The following HLTF variants were observed in gnomAD, a reference collection of about 807,000 sequenced individuals.
HLTF encodes the protein helicase like transcription factor, also known as DNA-dependent ATPase/E3 ubiquitin-protein ligase HLTF.
In HLTF, 127 loss-of-function variants were observed where a neutral mutation model predicts 129.4. The ratio of observed to expected loss-of-function variants is 0.98; its 90% CI spans 0.85 to 1.14. The LOEUF (loss-of-function observed/expected upper bound fraction) is 1.14. Among genes scored for constraint, HLTF ranks in the 50% most tolerant of loss-of-function variants. HLTF has a pLI of 0.00. For missense variants in HLTF, 1,139 were observed against 1,187.1 expected (o/e 0.96, Z 0.60); for synonymous variants, 332 against 388.8 (o/e 0.85, Z 1.72).
In HLTF at chr3:149,086,456, G is replaced by C. The variant is rs1244241395; in HGVS notation, c.-120C>G. ...AGCCGGGGACAAATTCCGAGCGCCG[G>C]ATCAGGAGCGCACGACTGAAAGGTA... is the stretch of plus-strand genomic sequence containing the variant. On this transcript the variant is annotated 5_prime_UTR_variant, in exon 1 of 25. In the 5' UTR this introduces an upstream ATG that the reference lacks. Transcript: ENST00000310053. 3 of 1,161,160 alleles carry C rather than the reference G, an allele frequency of 2.6e-6. No individual in the cohort carries two copies. Among genetic ancestry groups the C allele is most frequent in the Admixed American group, 4.4e-5 (2 of 45,342 alleles). The allele number at this position is 1,161,160 out of a possible 1,614,324, so 71.9% of individuals were successfully genotyped here.
In HLTF at chr3:149,086,504, C is replaced by T; in HGVS notation, c.-168G>A. Reference sequence around the variant, plus strand: ...GTAAGTCGCCGCGAGTCCAGTCAGACGTCGACGCCGTCTCCTTCTGCAACA... The same window carrying T: ...GTAAGTCGCCGCGAGTCCAGTCAGATGTCGACGCCGTCTCCTTCTGCAACA... On this transcript the variant is annotated 5_prime_UTR_variant, in exon 1 of 25. Coordinates refer to ENST00000310053, the MANE Select transcript of HLTF (RefSeq NM_003071.4). The T allele has an allele frequency of 1.5e-6, 1 of 664,214 alleles. No homozygotes were observed. 41.1% of individuals were successfully genotyped at this position (664,214 alleles called of 1,614,324 possible). A position where few individuals can be genotyped will look rare whatever the true frequency, so the allele number is the denominator to read the frequency against.
intron 14 of HLTF, 90 bp downstream of exon 14, chr3:149,055,213 A>G (rs1717317649): frequency 1.2e-6 from 1 of 815,264 alleles, no homozygotes; most frequent in Non-Finnish European, 2.0e-6. Flanking sequence ...AAGTATATTT[A>G]CCCCAATGAA....
chr3:149,047,131 TATA>T (rs1716611575), intron 17 of HLTF, among the ~76,000 whole-genome samples: 1 of 152,236 alleles, frequency 6.6e-6, no homozygotes, highest in South Asian at 2.1e-4. Flanking sequence ...CTACCACCTT[TATA>T]ATGATTTTAT....
chr3:149,071,386 G>A lies in HLTF; in HGVS notation c.760C>T (p.Arg254Trp), dbSNP rs547894937. 1.5e-5 allele frequency: 24 copies of A among 1,613,672 alleles called. No individual in the cohort carries two copies. The Middle Eastern group carries it at 6.6e-4, about 44-fold the overall frequency. Reference protein sequence around the residue: ...QKQALAWMVSRENSKELPPFW... With the variant: ...QKQALAWMVSWENSKELPPFW... Reference sequence around the variant, plus strand: ...GGTGGAAGTTCTTTGCTATTTTCCCGTGACACCATCCAAGCTAGAGCTTGT... The same window carrying A: ...GGTGGAAGTTCTTTGCTATTTTCCCATGACACCATCCAAGCTAGAGCTTGT... The change falls in exon 7 of 25, where the codon CGG (arginine) becomes TGG (tryptophan). Residue 254 changes from arginine to tryptophan, a missense_variant. Transcript: ENST00000310053.
At chr3:149,045,726 A>G (rs977715975) in intron 18 of HLTF, among the ~76,000 whole-genome samples, 3 of 152,166 alleles carry the variant, frequency 2.0e-5, no homozygotes, top group Non-Finnish European at 2.9e-5. Context: ...CCAGAATTTC[A>G]TACCTTCTAC....
chr3:149,051,373 A>C (rs933333973), intron 14 of HLTF, among the ~76,000 whole-genome samples: 3 of 152,178 alleles, frequency 2.0e-5, no homozygotes, highest in Non-Finnish European at 4.4e-5. Context: ...TTACCTATAG[A>C]TAGAAGTGAG....
chr3:149,045,961 A>T (rs544609277), intron 18 of HLTF, 119 bp downstream of exon 18: 1 of 668,114 alleles, frequency 1.5e-6, no homozygotes, highest in Admixed American at 3.7e-5. Flanking sequence ...AATTCATAGA[A>T]GCAAATTATC....
chr3:149,073,505 G>A (rs1325721104), intron 4 of HLTF, among the ~76,000 whole-genome samples, 183 bp from the exon 5 acceptor site: 1 of 152,152 alleles, frequency 6.6e-6, no homozygotes, highest in Admixed American at 6.5e-5. Flanking sequence ...ACTAGCCTGG[G>A]CAACATGGTG....
rs746011923 is a variant in HLTF at position 149,071,218 on chromosome 3, T to C, written c.894+34A>G. 3 of 1,316,694 alleles carry C rather than the reference T, an allele frequency of 2.3e-6. No homozygotes were observed. In the East Asian group the frequency reaches 7.1e-5, roughly 31 times the overall value. The allele number at this position is 1,316,694 out of a possible 1,614,324, so 81.6% of individuals were successfully genotyped here. A position where few individuals can be genotyped will look rare whatever the true frequency, so the allele number is the denominator to read the frequency against. ...TTTCTAGAAAATCATAATCACAAAA[T>C]TAGATTTTATTAACTAAAGAAAAAA... On this transcript the variant is annotated intron_variant, in intron 7 of 24. Coordinates refer to ENST00000310053, the MANE Select transcript of HLTF (RefSeq NM_003071.4).
intron 14 of HLTF, chr3:149,052,280 T>TA (rs773689393): frequency 1.3e-5 from 2 of 152,172 alleles, no homozygotes; most frequent in Non-Finnish European, 2.9e-5. Context: ...ATACTCTTTT[T>TA]AAAAAATTAT....
At chr3:149,053,447 C>T (rs75990373) in intron 14 of HLTF, among the ~76,000 whole-genome samples, 3,610 of 152,264 alleles carry the variant, frequency 0.024, 97 homozygotes, top group African/African-American at 0.065. Context: ...GCTGGGTCCC[C>T]ATCACCTTCT....
At chr3:149,060,607 T>G (rs986602110) in intron 12 of HLTF, 36 bp downstream of exon 12, 27 of 1,478,684 alleles carry the variant, frequency 1.8e-5, no homozygotes, top group Non-Finnish European at 2.4e-5. Context: ...TTAATAATCT[T>G]GAAGTCTAGA....
At chr3:149,059,658 A>T (rs973524372) in intron 13 of HLTF, 60 bp downstream of exon 13, 2 of 1,016,928 alleles carry the variant, frequency 2.0e-6, no homozygotes, top group East Asian at 2.4e-5. Flanking sequence ...AAAATTTTAA[A>T]TTTTTTCATT....
Position 149,074,320 on chromosome 3 carries a change from A to G in HLTF, c.424T>C (p.Phe142Leu). 1 of 1,613,190 alleles carries G rather than the reference A, an allele frequency of 6.2e-7. No homozygotes were observed. The highest frequency in any genetic ancestry group is 8.5e-7 in the Non-Finnish European group (1 of 1,179,578). ...AAAGTCATATGCAGAGGCATGGTAA[A>G]AGCATTGTTTGCACCAAAAGGAACT... is the stretch of plus-strand genomic sequence containing the variant. The part of the protein sequence containing the change: ...GVVPFGANNA[F>L]TMPLHMTFWG... Residue 142 changes from phenylalanine to leucine, a missense_variant, in exon 4 of 25, where the codon TTT (phenylalanine) becomes CTT (leucine). By Grantham distance (22) the Phe-to-Leu change is conservative. Transcript: ENST00000310053.
At chr3:149,082,914 GA>G (rs1250795636) in intron 2 of HLTF, among the ~76,000 whole-genome samples, 3 of 152,118 alleles carry the variant, frequency 2.0e-5, no homozygotes, top group Non-Finnish European at 4.4e-5. Flanking sequence ...TATGGTTCTG[GA>G]TGATAGACTT....
intron 19 of HLTF, 190 bp downstream of exon 19, chr3:149,041,976 G>A (rs929195853): frequency 3.5e-5 from 21 of 600,626 alleles, no homozygotes; most frequent in South Asian, 2.2e-5. Context: ...TTCCTGGAAA[G>A]ACCTCATTAT....
intron 2 of HLTF, among the ~76,000 whole-genome samples, chr3:149,082,346 C>A (rs559501404): frequency 2.0e-5 from 3 of 152,300 alleles, no homozygotes; most frequent in South Asian, 4.1e-4. Flanking sequence ...GTAGTCCCAG[C>A]TACTTGGGAG....
intron 8 of HLTF, among the ~76,000 whole-genome samples, chr3:149,067,560 T>C (rs752881814): frequency 2.0e-5 from 3 of 151,998 alleles, no homozygotes; most frequent in Non-Finnish European, 4.4e-5. Flanking sequence ...TGGAGTGCAA[T>C]AGTGCAATCA....
Position 149,042,261 on chromosome 3 carries a change from T to A in HLTF, c.2102A>T (p.His701Leu). 1 of 1,612,904 alleles carries A rather than the reference T, an allele frequency of 6.2e-7. No homozygotes were observed. The change falls in exon 19 of 25, where the codon CAT becomes CTT. Residue 701 changes from histidine to leucine, a missense_variant. His to Leu is a moderately conservative substitution (Grantham distance 99, BLOSUM62 -3). Coordinates refer to ENST00000310053, the MANE Select transcript of HLTF (RefSeq NM_003071.4). ...RYFNEGTVLA[H>L]YADVLGLLLR... ...CAAAAGACCCAGGACATCTGCATAA[T>A]GTGCCAGGACAGTCCCTTCATTAAA... is the stretch of plus-strand genomic sequence containing the variant.
Sources: allele counts gnomAD v4.1 joint callset (sites outside exome capture counted in the v4.1 genomes callset), GRCh38; gene constraint gnomAD v4.1.1; transcripts MANE v1.5; gene names NCBI Gene and HGNC (gene_info 2026-07-23, HGNC 2026-07-21).